Variants in ANKFN1 observed in about 807,000 individuals in gnomAD.
The protein encoded by ANKFN1 is ankyrin repeat and fibronectin type-III domain-containing protein 1.
A neutral mutation model predicts 108.7 loss-of-function variants in ANKFN1; 74 were observed. The observed-to-expected ratio is 0.68, with a 90% CI of 0.56 to 0.83. The LOEUF (loss-of-function observed/expected upper bound fraction) is 0.83, where lower values mean the gene tolerates loss of function less well. ANKFN1 is among the 40% of genes least tolerant of loss of function. ANKFN1 has a pLI of 0.00. For missense variants in ANKFN1, 1,505 were observed against 1,382.3 expected, an observed-to-expected ratio of 1.09 and a Z score of -1.41; for synonymous variants, 547 against 516.2, an observed-to-expected ratio of 1.06 and a Z score of -0.81.
chr17:56,341,897 T>C (rs1226299257), intron 4 of ANKFN1, among the ~76,000 whole-genome samples: 1 of 152,080 alleles, frequency 6.6e-6, no homozygotes, highest in Non-Finnish European at 1.5e-5. Flanking sequence ...CTTTTCTTTG[T>C]ACATCTGGTA....
At chr17:56,248,557 G>T (rs560814447) in intron 3 of ANKFN1, among the ~76,000 whole-genome samples, 2 of 152,218 alleles carry the variant, frequency 1.3e-5, no homozygotes, top group South Asian at 4.1e-4. Flanking sequence ...ATATTATGAG[G>T]CTTACATTAC....
chr17:56,165,579 G>C lies in ANKFN1; in HGVS notation c.-71+12049G>C, dbSNP rs144664003. Among the ~76,000 whole-genome samples, 876 of 152,244 alleles carry C rather than the reference G, an allele frequency of 5.8e-3. 8 individuals are homozygous for C. The highest frequency in any genetic ancestry group is 0.02 in the African/African-American group (814 of 41,546). The stretch of plus-strand genomic sequence containing the variant: ...AATAGTCAGCACCACACACCCTCTT[G>C]TTGCCTCTGAATCGGCCACGTGGGA... On this transcript the variant is annotated intron_variant, in intron 1 of 20. Coordinates refer to ENST00000682825, the MANE Select transcript of ANKFN1 (RefSeq NM_001370326.1).
chr17:56,241,832 C>T (rs1917604232), intron 3 of ANKFN1, among the ~76,000 whole-genome samples: 1 of 152,040 alleles, frequency 6.6e-6, no homozygotes, highest in East Asian at 1.9e-4. Context: ...AACATAAGCA[C>T]TGCAATACCA....
At chr17:56,440,741 G>A (rs1285859818) in intron 9 of ANKFN1, among the ~76,000 whole-genome samples, 1 of 152,146 alleles carries the variant, frequency 6.6e-6, no homozygotes, top group Non-Finnish European at 1.5e-5. Flanking sequence ...CAAAGGCTCT[G>A]AGAGATGCAA....
intron 20 of ANKFN1, among the ~76,000 whole-genome samples, chr17:56,499,697 C>T (rs1052925979): frequency 6.6e-6 from 1 of 152,062 alleles, no homozygotes; most frequent in African/African-American, 2.4e-5. Context: ...GGAGAAGATA[C>T]CTAGCAAGGC....
At chr17:56,450,938 A>T (rs1277282221) in intron 11 of ANKFN1, among the ~76,000 whole-genome samples, 1 of 152,184 alleles carries the variant, frequency 6.6e-6, no homozygotes, top group African/African-American at 2.4e-5. Context: ...TCTGTCATGT[A>T]TATGCTTTTC....
rs1212850046 is a variant in ANKFN1, at chr17:56,374,634, T to C, written c.830T>C (p.Met277Thr). 1 of 1,613,984 alleles carries C rather than the reference T, an allele frequency of 6.2e-7. No homozygotes were observed. The highest frequency in any genetic ancestry group is 8.5e-7 in the Non-Finnish European group (1 of 1,179,852). ...APEMPTNVCL[M>T]VTSSTSLTVS... Reference sequence around the variant, plus strand: ...GAGATGCCAACCAATGTCTGTCTCATGGTAACCAGCAGCACATCACTCACT... The same window carrying C: ...GAGATGCCAACCAATGTCTGTCTCACGGTAACCAGCAGCACATCACTCACT... The change falls in exon 8 of 21, where the codon ATG becomes ACG. Residue 277 changes from methionine (M) to threonine (T), a missense_variant. Physicochemically the swap from Met to Thr is moderately conservative, Grantham distance 81. Transcript: ENST00000682825.
At chr17:56,049,473 G>A (rs1277604110) in intron 4 of ANKFN1, among the ~76,000 whole-genome samples, 6 of 151,462 alleles carry the variant, frequency 4.0e-5, no homozygotes, top group Non-Finnish European at 7.4e-5. Flanking sequence ...CATGTGCCAT[G>A]CTGGTGCGCT....
chr17:56,240,016 A>G (rs971141723), intron 3 of ANKFN1, among the ~76,000 whole-genome samples: 7 of 152,168 alleles, frequency 4.6e-5, no homozygotes, highest in Admixed American at 3.9e-4. Flanking sequence ...AAATATTTCA[A>G]ACATAGAGGA....
At chr17:56,268,658 A>C (rs1367480773) in intron 3 of ANKFN1, among the ~76,000 whole-genome samples, 3 of 152,182 alleles carry the variant, frequency 2.0e-5, no homozygotes, top group African/African-American at 7.2e-5. Flanking sequence ...TTTTTGAAAG[A>C]ATAAATAAGA....
At chr17:56,507,854 C>A (rs1449353619) in intron 20 of ANKFN1, among the ~76,000 whole-genome samples, 1 of 152,150 alleles carries the variant, frequency 6.6e-6, no homozygotes, top group Non-Finnish European at 1.5e-5. Context: ...CCTCCCCTGG[C>A]CACCTTATCG....
chr17:56,048,565 C>T (rs1008893108), intron 4 of ANKFN1, among the ~76,000 whole-genome samples: 4 of 152,142 alleles, frequency 2.6e-5, no homozygotes, highest in Non-Finnish European at 4.4e-5. Context: ...GTGAGCCAAG[C>T]ATTCTTGTCC....
intron 20 of ANKFN1, among the ~76,000 whole-genome samples, chr17:56,500,658 G>A (rs2051339903): frequency 6.6e-6 from 1 of 152,166 alleles, no homozygotes; most frequent in Admixed American, 6.5e-5. Flanking sequence ...GGAAAGAGAA[G>A]AGCATTATAG....
At position 56,457,859 on chromosome 17, in the gene ANKFN1, G is replaced by C; in HGVS notation, c.1441-4G>C. On this transcript the variant is annotated splice_polypyrimidine_tract_variant and splice_region_variant and intron_variant, in intron 13 of 20. Transcript: ENST00000682825. ...ATGACATGATTGCATGCCTTCTTTT[G>C]CAGCTGTCTTGTATGTGGGAAGATA... The C allele has an allele frequency of 6.2e-7, 1 of 1,608,144 alleles. No homozygotes were observed. The highest frequency in any genetic ancestry group is 8.5e-7 in the Non-Finnish European group (1 of 1,175,350).
At chr17:56,280,065 A>C (rs2044035827) in intron 3 of ANKFN1, among the ~76,000 whole-genome samples, 1 of 144,086 alleles carries the variant, frequency 6.9e-6, no homozygotes, top group Non-Finnish European at 1.5e-5. Flanking sequence ...GCTGGAGTGC[A>C]GTGGTGCGAT....
intron 1 of ANKFN1, among the ~76,000 whole-genome samples, chr17:56,182,728 A>T (rs1204133408): frequency 6.6e-6 from 1 of 152,190 alleles, no homozygotes; most frequent in Non-Finnish European, 1.5e-5. Context: ...AATGTAGGAA[A>T]ACTAGCCTTC....
In ANKFN1 at chr17:56,479,061, G is replaced by A. The variant is rs545482865; in HGVS notation, c.1940+1407G>A. ...GTGGTCATTGCCACAATCAACATTC[G>A]TTATCGCCTCAGTCCTTCCCAAAAG... is the stretch of plus-strand genomic sequence containing the variant. On this transcript the variant is annotated intron_variant, in intron 16 of 20. Coordinates refer to ENST00000682825, the MANE Select transcript of ANKFN1 (RefSeq NM_001370326.1). Among the ~76,000 whole-genome samples, 3 of 152,234 alleles carry A rather than the reference G, an allele frequency of 2.0e-5. No individual in the cohort carries two copies. In the South Asian group the frequency reaches 6.2e-4, roughly 32 times the overall value.
chr17:56,295,062 A>G (rs1274784237), intron 3 of ANKFN1, among the ~76,000 whole-genome samples: 1 of 152,218 alleles, frequency 6.6e-6, no homozygotes, highest in East Asian at 1.9e-4. Flanking sequence ...TTATTGACAA[A>G]GAGGAGACTG....
intron 20 of ANKFN1, among the ~76,000 whole-genome samples, chr17:56,505,464 A>G (rs1300271013): frequency 1.3e-5 from 2 of 152,206 alleles, no homozygotes; most frequent in Non-Finnish European, 2.9e-5. Flanking sequence ...TGTTCAGACT[A>G]TATGATCTGG....
Sources: gnomAD v4.1 joint callset for allele counts (sites outside exome capture counted in the v4.1 genomes callset) on GRCh38, gnomAD v4.1.1 for gene constraint, MANE v1.5 for transcripts, NCBI Gene and HGNC (gene_info 2026-07-23, HGNC 2026-07-21) for gene names.